Variants in TRAF7 observed in about 807,000 individuals in gnomAD.
TRAF7 encodes E3 ubiquitin-protein ligase TRAF7.
TRAF7 carries 45 observed loss-of-function variants against 89.3 expected under a neutral mutation model. The ratio of observed to expected loss-of-function variants is 0.50; its 90% CI spans 0.40 to 0.65. The LOEUF is 0.65. TRAF7 is among the 30% of genes least tolerant of loss of function. The pLI is 0.00. For missense variants in TRAF7, 677 were observed against 918.1 expected (o/e 0.74, Z 3.39); for synonymous variants, 406 against 369.2 (o/e 1.10, Z -1.14).
At chr16:2,174,372 C>A (rs1422131574) in intron 14 of TRAF7, 39 bp downstream of exon 14, 1 of 1,599,926 alleles carries the variant, frequency 6.3e-7, no homozygotes. Context: ...ATTCCCAGGA[C>A]AGGAGACGTG....
rs1276493453 is a variant in TRAF7, at chr16:2,175,864, C to A, written c.1657C>A (p.His553Asn). The A allele has an allele frequency of 6.2e-7, 1 of 1,613,448 alleles. No individual in the cohort carries two copies. Among genetic ancestry groups the A allele is most frequent in the Non-Finnish European group, 8.5e-7 (1 of 1,179,992 alleles). Residue 553 changes from histidine (H) to asparagine (N), a missense_variant, in exon 18 of 21, where the codon CAC becomes AAC. Physicochemically the swap from His to Asn is moderately conservative, Grantham distance 68. Transcript: ENST00000326181. ...IWDIRTLDCI[H>N]VLQTSGGSVY... ...GGACATCCGAACCCTTGACTGCATC[C>A]ACGTCCTGCAGACGTCTGGTGGCAG... is the stretch of plus-strand genomic sequence containing the variant.
At chr16:2,170,471 C>A in intron 4 of TRAF7, 143 bp from the exon 5 acceptor site, 2 of 634,816 alleles carry the variant, frequency 3.2e-6, no homozygotes, top group Non-Finnish European at 5.5e-6. Context: ...CCACGGCCCC[C>A]GTGGACGAGG....
rs1395468918 is a variant in TRAF7, at chr16:2,163,005, C to A, written c.-38-878C>A. On this transcript the variant is annotated intron_variant, in intron 1 of 20. Transcript: ENST00000326181. The surrounding 1 kb of genome is among the most constrained non-coding windows in gnomAD (Gnocchi z 4.3). ...AGTGGGCGTCATCCAGCATGGACAG[C>A]CCCTTCCCCGGGCTCTGTCCTGGGT... Among the ~76,000 whole-genome samples, 2 of 151,170 alleles carry A rather than the reference C, an allele frequency of 1.3e-5. No individual in the cohort carries two copies. The highest frequency in any genetic ancestry group is 1.3e-4 in the Admixed American group (2 of 15,284).
chr16:2,170,696 C>T lies in TRAF7; in HGVS notation c.314C>T (p.Ser105Phe). 2 of 1,607,612 alleles carry T rather than the reference C, an allele frequency of 1.2e-6. No individual in the cohort carries two copies. The highest frequency in any genetic ancestry group is 2.2e-5 in the South Asian group (2 of 89,748). The part of the protein sequence containing the change: ...LHSESSMSLR[S>F]TFSLPEEEEE... ...TCAGAGTCCAGCATGTCTCTGCGCT[C>T]CACATTCTCACTGCCCGAGGAGGAG... is the stretch of plus-strand genomic sequence containing the variant. Residue 105 changes from serine (S) to phenylalanine (F), a missense_variant, in exon 5 of 21, where the codon TCC (serine) becomes TTC (phenylalanine). By Grantham distance (155) the Ser-to-Phe change is radical. This residue lies in a region of TRAF7 where 240 missense variants were observed against 191.9 expected (regional missense o/e 1.25). Coordinates refer to ENST00000326181, the MANE Select transcript of TRAF7 (RefSeq NM_032271.3).
chr16:2,172,635 G>A (rs1223599482), intron 9 of TRAF7, 36 bp downstream of exon 9: 4 of 1,273,210 alleles, frequency 3.1e-6, no homozygotes, highest in Non-Finnish European at 4.4e-6. Flanking sequence ...GCCGGGGTGG[G>A]CGCAGGCCCT....
chr16:2,164,114 A>T, intron 2 of TRAF7, 113 bp downstream of exon 2: 7 of 825,976 alleles, frequency 8.5e-6, no homozygotes, highest in Non-Finnish European at 8.9e-6. Context: ...CTGGGGTCTC[A>T]GGGGAGCTCG....
rs959657259 is a variant in TRAF7 at position 2,178,045 on chromosome 16, A to G, written c.*1471A>G. On this transcript the variant is annotated 3_prime_UTR_variant, in exon 21 of 21. Transcript: ENST00000326181. ...CAATAATATTTCTTTCTTTAAATAT[A>G]TATTTGTTAAAGTTATACCTTTTTG... 31 of 459,858 alleles carry G rather than the reference A, an allele frequency of 6.7e-5. No individual in the cohort carries two copies. The highest frequency in any genetic ancestry group is 6.1e-4 in the Middle Eastern group (1 of 1,652). 28.5% of individuals were successfully genotyped at this position (459,858 alleles called of 1,614,324 possible). A position where few individuals can be genotyped will look rare whatever the true frequency, so the allele number is the denominator to read the frequency against.
At chr16:2,157,891 T>C (rs2093041907) in intron 1 of TRAF7, among the ~76,000 whole-genome samples, 1 of 152,174 alleles carries the variant, frequency 6.6e-6, no homozygotes, top group African/African-American at 2.4e-5. Flanking sequence ...TCAGCCTCCA[T>C]GGTCCACTCA....
At chr16:2,166,384 G>A (rs1349311161) in intron 3 of TRAF7, among the ~76,000 whole-genome samples, 1 of 152,190 alleles carries the variant, frequency 6.6e-6, no homozygotes, top group Non-Finnish European at 1.5e-5. Context: ...TTAATAGGAA[G>A]GGAGGGAGAG....
rs1462746038 is a variant in TRAF7, at chr16:2,164,153, TGTGTGTGCGC to T, written c.81+154_81+163del. 1.4e-4 allele frequency: 80 copies of T among 553,598 alleles called. No homozygotes were observed. In the East Asian group the frequency reaches 2.3e-3, roughly 16 times the overall value. The allele number at this position is 553,598 out of a possible 1,614,324, so 34.3% of individuals were successfully genotyped here. On this transcript the variant is annotated intron_variant, in intron 2 of 20. Coordinates refer to ENST00000326181, the MANE Select transcript of TRAF7 (RefSeq NM_032271.3). Reference sequence around the variant, plus strand: ...GGGGGGGGTGTGGTGTGTGTGTGTGTGTGTGTGCGCGCGCGCGCGCGCGCGCGCACGCGTG... The same window carrying T: ...GGGGGGGGTGTGGTGTGTGTGTGTGTGCGCGCGCGCGCGCGCGCACGCGTG...
intron 4 of TRAF7, among the ~76,000 whole-genome samples, 162 bp from the exon 5 acceptor site, chr16:2,170,452 C>T (rs1596675354): frequency 1.3e-5 from 2 of 152,354 alleles, no homozygotes; most frequent in East Asian, 3.9e-4. Context: ...ATCAGCTCCC[C>T]ACGCCCACCC....
rs2093066756 is a variant in TRAF7, at chr16:2,163,761, G to A, written c.-38-122G>A. 3 of 674,392 alleles carry A rather than the reference G, an allele frequency of 4.4e-6. No homozygotes were observed. Among genetic ancestry groups the A allele is most frequent in the East Asian group, 5.7e-5 (2 of 35,340 alleles). The allele number at this position is 674,392 out of a possible 1,614,324, so 41.8% of individuals were successfully genotyped here. On this transcript the variant is annotated intron_variant, in intron 1 of 20. Coordinates refer to ENST00000326181, the MANE Select transcript of TRAF7 (RefSeq NM_032271.3). The surrounding 1 kb of genome is among the most constrained non-coding windows in gnomAD (Gnocchi z 4.3). ...GCCTGCCTGAGCCGGGGCTGGTGGT[G>A]GAAGGCTGCTGCGGCGGCCCCACGG...
At chr16:2,171,671 G>A (rs953668023) in intron 7 of TRAF7, 66 bp downstream of exon 7, 46 of 1,609,376 alleles carry the variant, frequency 2.9e-5, no homozygotes, top group African/African-American at 2.7e-4. Context: ...AGAGGCGGGC[G>A]GCTTCTCCCT....
In TRAF7 at chr16:2,161,101, A is replaced by G. The variant is rs950423176; in HGVS notation, c.-38-2782A>G. 1.3e-5 allele frequency among the ~76,000 whole-genome samples: 2 copies of G among 151,780 alleles called. No homozygotes were observed. Among genetic ancestry groups the G allele is most frequent in the Admixed American group, 6.6e-5 (1 of 15,258 alleles). The stretch of plus-strand genomic sequence containing the variant: ...CAGCCCCAGGGTCCCGCCCGCCTCC[A>G]TGTCCCTGGCTGGGGCTGAACACTG... On this transcript the variant is annotated intron_variant, in intron 1 of 20. Coordinates refer to ENST00000326181, the MANE Select transcript of TRAF7 (RefSeq NM_032271.3). The surrounding 1 kb of genome is among the most constrained non-coding windows in gnomAD (Gnocchi z 5.2).
Position 2,163,201 on chromosome 16 carries a change from C to T in TRAF7, c.-38-682C>T, listed in dbSNP as rs552090411. Among the ~76,000 whole-genome samples the T allele has an allele frequency of 5.3e-5, 8 of 152,332 alleles. No individual in the cohort carries two copies. In the South Asian group the frequency reaches 1.4e-3, roughly 28 times the overall value. On this transcript the variant is annotated intron_variant, in intron 1 of 20. Transcript: ENST00000326181. This position sits in a 1 kb window ranked among gnomAD's most constrained non-coding sequence, Gnocchi z 4.3. ...CCCGCATGCCTTCTCCCTGCCCCCC[C>T]ACCCACCAGCCCCTGAGCCCCTGTG... is the stretch of plus-strand genomic sequence containing the variant.
rs1299079776 is a variant in TRAF7 at position 2,159,668 on chromosome 16, C to G, written c.-39+3810C>G. ...TCCAGCCAGCCGGCCACACACAGCCCTGTGGCAGGCGGGGCGGAGGCTTCT... is the reference window on the plus strand; with the variant it reads ...TCCAGCCAGCCGGCCACACACAGCCGTGTGGCAGGCGGGGCGGAGGCTTCT... On this transcript the variant is annotated intron_variant, in intron 1 of 20. Transcript: ENST00000326181. This position sits in a 1 kb window ranked among gnomAD's most constrained non-coding sequence, Gnocchi z 6.5. Among the ~76,000 whole-genome samples the G allele has an allele frequency of 6.6e-6, 1 of 152,216 alleles. No individual in the cohort carries two copies. Among genetic ancestry groups the G allele is most frequent in the African/African-American group, 2.4e-5 (1 of 41,458 alleles).
intron 2 of TRAF7, among the ~76,000 whole-genome samples, 172 bp downstream of exon 2, chr16:2,164,173 CGCGCGCGCACGCGTGCGTGTGT>C (rs1287837641): frequency 3.3e-5 from 4 of 121,458 alleles, no homozygotes; most frequent in Non-Finnish European, 6.9e-5. Context: ...CGCGCGCGCG[CGCGCGCGCACGCGTGCGTGTGT>C]GGTTGGGGCG....
rs1438226573 is a variant in TRAF7, at chr16:2,158,211, C to T, written c.-39+2353C>T. Among the ~76,000 whole-genome samples, 5 of 152,190 alleles carry T rather than the reference C, an allele frequency of 3.3e-5. No homozygotes were observed. The highest frequency in any genetic ancestry group is 7.2e-5 in the African/African-American group (3 of 41,452). On this transcript the variant is annotated intron_variant, in intron 1 of 20. Transcript: ENST00000326181. The surrounding 1 kb of genome is among the most constrained non-coding windows in gnomAD (Gnocchi z 4.7). ...TCCGGCCTTCTCAGTGGGTGGGCACCGAGGACTTCACCAGGCCCTCTGTGT... is the reference window on the plus strand; with the variant it reads ...TCCGGCCTTCTCAGTGGGTGGGCACTGAGGACTTCACCAGGCCCTCTGTGT...
chr16:2,172,337 C>G lies in TRAF7; in HGVS notation c.622C>G (p.Arg208Gly), dbSNP rs1318987130. 6.2e-7 allele frequency: 1 copy of G among 1,612,238 alleles called. No homozygotes were observed. Among genetic ancestry groups the G allele is most frequent in the Admixed American group, 1.7e-5 (1 of 59,996 alleles). Reference sequence around the variant, plus strand: ...GCCCCCCATCTTTGAGGTGGACCCCCGAGGGTGCCCCTTCACCATCAAGCT... The same window carrying G: ...GCCCCCCATCTTTGAGGTGGACCCCGGAGGGTGCCCCTTCACCATCAAGCT... Reference protein sequence around the residue: ...GKPPIFEVDPRGCPFTIKLSA... With the variant: ...GKPPIFEVDPGGCPFTIKLSA... The change falls in exon 8 of 21, where the codon CGA becomes GGA. Residue 208 changes from arginine (R) to glycine (G), a missense_variant. By Grantham distance (125) the Arg-to-Gly change is moderately radical. This residue lies in a region of TRAF7 where 238 missense variants were observed against 352.6 expected (regional missense o/e 0.67). Transcript: ENST00000326181.
Sources: gnomAD v4.1 joint callset for allele counts (sites outside exome capture counted in the v4.1 genomes callset) on GRCh38, gnomAD v4.1.1 for gene constraint, gnomAD v4.1.1 regional missense constraint, Gnocchi (gnomAD v3.1) non-coding constraint, MANE v1.5 for transcripts, NCBI Gene and HGNC (gene_info 2026-07-23, HGNC 2026-07-21) for gene names.